XXYLT1: variants seen among roughly 807,000 people sequenced by gnomAD.
XXYLT1 encodes UDP-xylose:alpha-xyloside alpha-1,3-xylosyltransferase.
Under a neutral mutation model 28.9 loss-of-function variants are expected in XXYLT1, and 20 were observed. That is an observed-to-expected ratio of 0.69 (90% CI 0.49 to 1.00). The LOEUF (loss-of-function observed/expected upper bound fraction) is 1.00, where lower values mean the gene tolerates loss of function less well. Among genes scored for constraint, XXYLT1 ranks in the 50% least tolerant of loss-of-function variants. The pLI, the probability that XXYLT1 is intolerant of heterozygous loss-of-function variation, is 0.00. For synonymous variants in XXYLT1, 257 were observed against 253.8 expected, an observed-to-expected ratio of 1.01 and a Z score of -0.12; for missense variants, 542 against 560.1, an observed-to-expected ratio of 0.97 and a Z score of 0.33.
intron 3 of XXYLT1, among the ~76,000 whole-genome samples, chr3:195,089,190 T>G (rs1715989069): frequency 6.6e-6 from 1 of 151,292 alleles, no homozygotes; most frequent in Admixed American, 6.6e-5. Context: ...ACAAAGATAC[T>G]CCTCGAGAAG....
At chr3:195,074,639 G>A (rs1004494735) in intron 3 of XXYLT1, among the ~76,000 whole-genome samples, 13 of 152,172 alleles carry the variant, frequency 8.5e-5, no homozygotes, top group Admixed American at 2.0e-4. Context: ...GAGGCTCTCC[G>A]GACACCCTGC....
intron 3 of XXYLT1, among the ~76,000 whole-genome samples, chr3:195,084,391 G>A (rs1225932162): frequency 6.6e-6 from 1 of 151,882 alleles, no homozygotes; most frequent in East Asian, 1.9e-4. Context: ...AAATCTTCTC[G>A]CTGAAAAAAA....
At chr3:195,253,508 T>C (rs1327966031) in intron 1 of XXYLT1, among the ~76,000 whole-genome samples, 9 of 150,178 alleles carry the variant, frequency 6.0e-5, no homozygotes, top group East Asian at 1.9e-4. Flanking sequence ...TTTTTCTTTT[T>C]TTTTTTTTTT....
At chr3:195,075,068 A>G (rs1183617635) in intron 3 of XXYLT1, among the ~76,000 whole-genome samples, 1 of 152,166 alleles carries the variant, frequency 6.6e-6, no homozygotes, top group Non-Finnish European at 1.5e-5. Flanking sequence ...CCTGGCCAAC[A>G]TGACAAAACC....
intron 1 of XXYLT1, chr3:195,247,655 C>T (rs931026318): frequency 3.5e-6 from 2 of 576,058 alleles, no homozygotes; most frequent in Non-Finnish European, 6.3e-6. Flanking sequence ...CCCTGCCAGG[C>T]TCGAACCCTC....
intron 1 of XXYLT1, among the ~76,000 whole-genome samples, chr3:195,263,328 A>C (rs1725748052): frequency 6.6e-6 from 1 of 152,174 alleles, no homozygotes; most frequent in Non-Finnish European, 1.5e-5. Context: ...GAAGGTTTAA[A>C]GGGTGTCCCC....
Position 195,247,949 on chromosome 3 carries a change from T to C in XXYLT1, c.505-21093A>G, listed in dbSNP as rs373443500. ...AAGAGCAGGGAGGAAGTCCCGCCCC[T>C]GTGGTCCAATCACCTCCCACCAGGC... On this transcript the variant is annotated intron_variant, in intron 1 of 3. Coordinates refer to ENST00000310380, the MANE Select transcript of XXYLT1 (RefSeq NM_152531.5). 6.3e-4 allele frequency: 361 copies of C among 576,290 alleles called. 3 individuals are homozygous for C. Among genetic ancestry groups the C allele is most frequent in the African/African-American group, 2.9e-3 (156 of 52,964 alleles). 35.7% of individuals were successfully genotyped at this position (576,290 alleles called of 1,614,324 possible). A position where few individuals can be genotyped will look rare whatever the true frequency, so the allele number is the denominator to read the frequency against.
intron 2 of XXYLT1, among the ~76,000 whole-genome samples, chr3:195,183,265 T>G (rs1270972882): frequency 6.6e-6 from 1 of 152,178 alleles, no homozygotes; most frequent in East Asian, 1.9e-4. Flanking sequence ...GATTGGATCA[T>G]GGGGGCAGTT....
At chr3:195,128,240 A>G (rs1718733424) in intron 3 of XXYLT1, among the ~76,000 whole-genome samples, 1 of 152,128 alleles carries the variant, frequency 6.6e-6, no homozygotes, top group South Asian at 2.1e-4. Flanking sequence ...ATGACTGACA[A>G]ACGCCTGCAC....
chr3:195,080,728 G>A (rs910033233), intron 3 of XXYLT1, among the ~76,000 whole-genome samples: 19 of 152,192 alleles, frequency 1.2e-4, no homozygotes, highest in Admixed American at 2.0e-4. Context: ...GGGAAAGGCG[G>A]CAGGGAGGGT....
At chr3:195,165,139 A>C (rs1343524955) in intron 2 of XXYLT1, among the ~76,000 whole-genome samples, 1 of 152,076 alleles carries the variant, frequency 6.6e-6, no homozygotes, top group Non-Finnish European at 1.5e-5. Context: ...TTCTGGCAGC[A>C]GTTCTCCCCA....
chr3:195,227,079 G>C (rs1724088483), intron 1 of XXYLT1, among the ~76,000 whole-genome samples: 1 of 152,156 alleles, frequency 6.6e-6, no homozygotes, highest in South Asian at 2.1e-4. Context: ...ACTGTGTGAG[G>C]GGTGGCATGC....
chr3:195,182,322 T>C (rs940172212), intron 2 of XXYLT1, among the ~76,000 whole-genome samples: 2 of 152,312 alleles, frequency 1.3e-5, no homozygotes, highest in South Asian at 4.1e-4. Flanking sequence ...CAACTGTCAC[T>C]GCTGCTGCTG....
rs539520035 is a variant in XXYLT1, at chr3:195,133,493, G to A, written c.785+22956C>T. On this transcript the variant is annotated intron_variant, in intron 3 of 3. Transcript: ENST00000310380. The surrounding 1 kb of genome is among the most constrained non-coding windows in gnomAD (Gnocchi z 4.4). ...GGAGAAATGTGTCCCATAAGTGACA[G>A]CATCTATTGAACTCTAAAAATGAAT... Among the ~76,000 whole-genome samples the A allele has an allele frequency of 6.6e-6, 1 of 152,322 alleles. No individual in the cohort carries two copies. Among genetic ancestry groups the A allele is most frequent in the African/African-American group, 2.4e-5 (1 of 41,564 alleles).
chr3:195,169,869 ATT>A (rs34190474), intron 2 of XXYLT1, among the ~76,000 whole-genome samples: 5,332 of 123,164 alleles, frequency 0.043, 343 homozygotes, highest in African/African-American at 0.15. Context: ...ATATATATAT[ATT>A]TTTTTTTTTT....
rs1002747333 is a variant in XXYLT1 at position 195,077,808 on chromosome 3, T to C, written c.786-7697A>G. The stretch of plus-strand genomic sequence containing the variant: ...CACGGCACCACCAGGACCCCAAGGT[T>C]GCTGCCCCGTATCCTCAGGATGTGC... On this transcript the variant is annotated intron_variant, in intron 3 of 3. Transcript: ENST00000310380. This position sits in a 1 kb window ranked among gnomAD's most constrained non-coding sequence, Gnocchi z 4.8. 6.6e-6 allele frequency among the ~76,000 whole-genome samples: 1 copy of C among 151,944 alleles called. No homozygotes were observed. Among genetic ancestry groups the C allele is most frequent in the Admixed American group, 6.6e-5 (1 of 15,266 alleles).
intron 3 of XXYLT1, among the ~76,000 whole-genome samples, chr3:195,095,117 A>G (rs1716353038): frequency 6.6e-6 from 1 of 152,228 alleles, no homozygotes; most frequent in African/African-American, 2.4e-5. Context: ...TGGAGGTAAG[A>G]GTGAGGACTC....
Position 195,270,932 on chromosome 3 carries a change from A to G in XXYLT1, c.127T>C (p.Ser43Pro), listed in dbSNP as rs1236365960. 11 of 1,488,100 alleles carry G rather than the reference A, an allele frequency of 7.4e-6. No homozygotes were observed. The South Asian group carries it at 1.0e-4, about 14-fold the overall frequency. The allele number at this position is 1,488,100 out of a possible 1,614,324, so 92.2% of individuals were successfully genotyped here. The change falls in exon 1 of 4, where the codon TCA becomes CCA. Residue 43 changes from serine (S) to proline (P), a missense_variant. By Grantham distance (74) the Ser-to-Pro change is moderately conservative. Coordinates refer to ENST00000310380, the MANE Select transcript of XXYLT1 (RefSeq NM_152531.5). ...LAVCAFYYLGSGRETFSSATK... is the reference protein window; with the variant it reads ...LAVCAFYYLGPGRETFSSATK... ...GCGCTGGAGAAGGTCTCCCGGCCTG[A>G]GCCGAGGTAGTAGAAGGCGCAGACG...
chr3:195,190,519 A>C (rs1354600194), intron 2 of XXYLT1, among the ~76,000 whole-genome samples: 1 of 147,826 alleles, frequency 6.8e-6, no homozygotes. Flanking sequence ...AAAAAAAAAA[A>C]CTAAATGAAA....
Sources: allele counts gnomAD v4.1 joint callset (sites outside exome capture counted in the v4.1 genomes callset), GRCh38; gene constraint gnomAD v4.1.1; non-coding constraint Gnocchi (gnomAD v3.1); transcripts MANE v1.5; gene names NCBI Gene and HGNC (gene_info 2026-07-23, HGNC 2026-07-21).